Variants in GRIK2 observed in about 807,000 individuals in gnomAD.
GRIK2 encodes the protein glutamate receptor ionotropic, kainate 2.
In GRIK2, 32 loss-of-function variants were observed where a neutral mutation model predicts 100.3. The ratio of observed to expected loss-of-function variants is 0.32; its 90% CI spans 0.24 to 0.43. The LOEUF (loss-of-function observed/expected upper bound fraction) is 0.43, where lower values mean the gene tolerates loss of function less well. GRIK2 is among the 20% of genes least tolerant of loss of function. The probability of loss-of-function intolerance (pLI) is 1.00; values close to 1 mark genes in which losing one functional copy is unlikely to be tolerated. For synonymous variants in GRIK2, 417 were observed against 389.4 expected (o/e 1.07, Z -0.83); for missense variants, 843 against 1,114.9 (o/e 0.76, Z 3.47).
chr6:101,566,434 C>A lies in GRIK2; in HGVS notation c.116-55515C>A, dbSNP rs374963325. On this transcript the variant is annotated intron_variant, in intron 2 of 16. Coordinates refer to ENST00000369134, the MANE Select transcript of GRIK2 (RefSeq NM_021956.5). ...ATAAAAACATCTAGCTGTATGCAGACTTTCTCCTTTAAAAAATTTTCTCCT... is the reference window on the plus strand; with the variant it reads ...ATAAAAACATCTAGCTGTATGCAGAATTTCTCCTTTAAAAAATTTTCTCCT... Among the ~76,000 whole-genome samples, 3 of 151,942 alleles carry A rather than the reference C, an allele frequency of 2.0e-5. 1 individual carries two copies. Among genetic ancestry groups the A allele is most frequent in the Non-Finnish European group, 4.4e-5 (3 of 67,958 alleles).
chr6:102,041,190 C>A (rs1426857919), intron 15 of GRIK2, among the ~76,000 whole-genome samples: 1 of 151,488 alleles, frequency 6.6e-6, no homozygotes, highest in Non-Finnish European at 1.5e-5. Flanking sequence ...ATTGTGAGCA[C>A]CACTGTGAAC....
At chr6:101,437,025 G>GATAT (rs778567199) in intron 2 of GRIK2, among the ~76,000 whole-genome samples, 20 of 147,764 alleles carry the variant, frequency 1.4e-4, no homozygotes, top group African/African-American at 4.2e-4. Context: ...TACCTATATG[G>GATAT]ATATATATAT....
At chr6:101,912,001 G>A (rs1788726570) in intron 12 of GRIK2, among the ~76,000 whole-genome samples, 1 of 145,306 alleles carries the variant, frequency 6.9e-6, no homozygotes, top group South Asian at 2.2e-4. Context: ...TAAACTTGTG[G>A]GTTATCAATT....
chr6:101,938,650 G>A (rs1790759784), intron 14 of GRIK2, among the ~76,000 whole-genome samples: 1 of 152,022 alleles, frequency 6.6e-6, no homozygotes, highest in Non-Finnish European at 1.5e-5. Context: ...ATTCAGAGAA[G>A]TACTTTAATA....
At chr6:101,592,247 A>G (rs1778684217) in intron 2 of GRIK2, among the ~76,000 whole-genome samples, 1 of 151,866 alleles carries the variant, frequency 6.6e-6, no homozygotes, top group Non-Finnish European at 1.5e-5. Flanking sequence ...TGACTAATAT[A>G]ATTGGAAAGC....
chr6:101,889,073 T>C lies in GRIK2; in HGVS notation c.1525-567T>C, dbSNP rs529511111. On this transcript the variant is annotated intron_variant, in intron 11 of 16. Transcript: ENST00000369134. ...AATAATATAAAACAAATTAGAGGGA[T>C]AGAAACAAAATTCAGAGGTAGTAAA... Among the ~76,000 whole-genome samples, 259 of 152,158 alleles carry C rather than the reference T, an allele frequency of 1.7e-3. 3 individuals carry two copies. Among genetic ancestry groups the C allele is most frequent in the African/African-American group, 5.9e-3 (245 of 41,542 alleles).
chr6:101,979,313 G>T (rs1793579161), intron 14 of GRIK2, among the ~76,000 whole-genome samples: 1 of 151,864 alleles, frequency 6.6e-6, no homozygotes, highest in East Asian at 1.9e-4. Context: ...GTTTAGAGAT[G>T]AACAGAGGAA....
intron 7 of GRIK2, among the ~76,000 whole-genome samples, chr6:101,703,060 A>G (rs1278349165): frequency 2.0e-5 from 3 of 151,936 alleles, no homozygotes; most frequent in African/African-American, 4.8e-5. Context: ...TGGCACATTA[A>G]TAGGCATTCA....
At chr6:101,834,329 A>C (rs1007064057) in intron 10 of GRIK2, among the ~76,000 whole-genome samples, 1 of 151,810 alleles carries the variant, frequency 6.6e-6, no homozygotes, top group Admixed American at 6.6e-5. Flanking sequence ...CTTCCTTCCT[A>C]CTTTGTACTT....
intron 7 of GRIK2, among the ~76,000 whole-genome samples, chr6:101,789,687 G>T (rs923583041): frequency 3.9e-5 from 6 of 152,042 alleles, no homozygotes; most frequent in Middle Eastern, 3.2e-3. Context: ...TTGGCGATGC[G>T]GGCTCTTTTT....
intron 10 of GRIK2, among the ~76,000 whole-genome samples, chr6:101,858,822 A>G (rs994002436): frequency 6.6e-6 from 1 of 152,088 alleles, no homozygotes; most frequent in Non-Finnish European, 1.5e-5. Context: ...CTTTGCACAT[A>G]GTAGGCAATT....
chr6:102,048,553 T>C (rs971498004), intron 15 of GRIK2, among the ~76,000 whole-genome samples: 2 of 152,126 alleles, frequency 1.3e-5, no homozygotes, highest in Admixed American at 6.6e-5. Context: ...TGAATAGACA[T>C]TTCTCAAAAG....
chr6:101,640,439 C>G (rs1405863017), intron 4 of GRIK2, among the ~76,000 whole-genome samples: 1 of 152,182 alleles, frequency 6.6e-6, no homozygotes, highest in Non-Finnish European at 1.5e-5. Flanking sequence ...CCAACTCATT[C>G]ATTTCCCAAC....
intron 14 of GRIK2, among the ~76,000 whole-genome samples, chr6:101,999,872 T>A (rs1794843687): frequency 1.3e-5 from 2 of 152,086 alleles, no homozygotes; most frequent in Non-Finnish European, 2.9e-5. Context: ...TCTTTTTTAG[T>A]GTTTTAAAAT....
chr6:101,637,840 A>G (rs1263563639), intron 4 of GRIK2, among the ~76,000 whole-genome samples: 1 of 152,122 alleles, frequency 6.6e-6, no homozygotes, highest in Admixed American at 6.6e-5. Context: ...CTTACCAAGC[A>G]TGCTATGCTG....
At chr6:101,631,755 A>G (rs1235623375) in intron 4 of GRIK2, among the ~76,000 whole-genome samples, 1 of 152,014 alleles carries the variant, frequency 6.6e-6, no homozygotes, top group Non-Finnish European at 1.5e-5. Flanking sequence ...ACCACTTCTT[A>G]GGTCAAAATC....
At chr6:102,049,823 T>G (rs1363548366) in intron 15 of GRIK2, among the ~76,000 whole-genome samples, 2 of 152,138 alleles carry the variant, frequency 1.3e-5, no homozygotes, top group Non-Finnish European at 2.9e-5. Context: ...TAAAGAAACA[T>G]TTGAAAGGCT....
intron 2 of GRIK2, among the ~76,000 whole-genome samples, chr6:101,586,138 C>T (rs538065471): frequency 6.8e-4 from 104 of 151,914 alleles, no homozygotes; most frequent in African/African-American, 2.4e-3. Flanking sequence ...TATTCTCACC[C>T]AGGAATAAGA....
chr6:101,764,025 A>G (rs1777892071), intron 7 of GRIK2, among the ~76,000 whole-genome samples: 1 of 152,174 alleles, frequency 6.6e-6, no homozygotes, highest in Non-Finnish European at 1.5e-5. Context: ...AGAAACTTAA[A>G]TAAGGTTTTA....
Sources: gnomAD v4.1 joint callset for allele counts (sites outside exome capture counted in the v4.1 genomes callset) on GRCh38, gnomAD v4.1.1 for gene constraint, MANE v1.5 for transcripts, NCBI Gene and HGNC (gene_info 2026-07-23, HGNC 2026-07-21) for gene names.